Variants in DPP6 observed in about 807,000 individuals in gnomAD.
DPP6 encodes the protein A-type potassium channel modulatory protein DPP6.
In DPP6, 69 loss-of-function variants were observed where a neutral mutation model predicts 122.6. The ratio of observed to expected loss-of-function variants is 0.56; its 90% confidence interval spans 0.46 to 0.69. DPP6 has a LOEUF of 0.69. DPP6 is among the 30% of genes least tolerant of loss of function. The probability of loss-of-function intolerance (pLI) is 0.00; values close to 1 mark genes in which losing one functional copy is unlikely to be tolerated. For missense variants in DPP6, 928 were observed against 1,116.9 expected, an observed-to-expected ratio of 0.83 and a Z score of 2.41; for synonymous variants, 418 against 433.1, an observed-to-expected ratio of 0.97 and a Z score of 0.43.
intron 1 of DPP6, among the ~76,000 whole-genome samples, chr7:154,098,525 G>C (rs1264681136): frequency 1.1e-4 from 16 of 152,056 alleles, no homozygotes; most frequent in Admixed American, 1.0e-3. Context: ...GGGCCTCCAA[G>C]AAGGAAACAA....
chr7:154,369,847 C>G (rs1310476808), intron 1 of DPP6, among the ~76,000 whole-genome samples: 1 of 152,226 alleles, frequency 6.6e-6, no homozygotes, highest in East Asian at 1.9e-4. Context: ...ATTTTACAAA[C>G]CATAATTCCT....
intron 1 of DPP6, among the ~76,000 whole-genome samples, chr7:154,085,010 A>AAG (rs908943946): frequency 6.7e-6 from 1 of 149,532 alleles, no homozygotes; most frequent in African/African-American, 2.5e-5. Flanking sequence ...AAAAAAAAAA[A>AAG]ACAGGTGCCT....
chr7:154,054,459 T>A (rs1800649661), intron 1 of DPP6, among the ~76,000 whole-genome samples: 1 of 152,002 alleles, frequency 6.6e-6, no homozygotes, highest in Non-Finnish European at 1.5e-5. Context: ...ATCACAAAAC[T>A]TTGTGGGAGA....
At chr7:154,448,978 CAT>C (rs1444651137) in intron 2 of DPP6, among the ~76,000 whole-genome samples, 1 of 152,166 alleles carries the variant, frequency 6.6e-6, no homozygotes, top group Non-Finnish European at 1.5e-5. Context: ...TAGAAGAAAA[CAT>C]AGGGATAAAT....
intron 5 of DPP6, among the ~76,000 whole-genome samples, chr7:154,586,223 C>T (rs1230811297): frequency 6.6e-6 from 1 of 152,058 alleles, no homozygotes; most frequent in Non-Finnish European, 1.5e-5. Context: ...CACAGTGATT[C>T]ATGCCCATAA....
rs145477804 is a variant in DPP6 at position 154,269,836 on chromosome 7, A to G, written c.244-176378A>G. Among the ~76,000 whole-genome samples, 82 of 152,318 alleles carry G rather than the reference A, an allele frequency of 5.4e-4. No individual in the cohort carries two copies. In the East Asian group the frequency reaches 0.015, roughly 29 times the overall value. On this transcript the variant is annotated intron_variant, in intron 1 of 25. Transcript: ENST00000377770. ...TACAAATTTGGAAATCTACATTGTC[A>G]TTAAGGAAATGTGATGTATAAGAAA...
chr7:154,144,100 T>C (rs536128298), intron 1 of DPP6, among the ~76,000 whole-genome samples: 1 of 152,222 alleles, frequency 6.6e-6, no homozygotes, highest in South Asian at 2.1e-4. Flanking sequence ...GCCAACCTAA[T>C]AGATGGTAGA....
At chr7:154,368,638 C>G in intron 1 of DPP6, among the ~76,000 whole-genome samples, 1 of 152,206 alleles carries the variant, frequency 6.6e-6, no homozygotes, top group South Asian at 2.1e-4. Flanking sequence ...ATTTACAAAA[C>G]ATAGTAATTC....
At chr7:154,862,357 C>G (rs779348215) in intron 17 of DPP6, among the ~76,000 whole-genome samples, 1 of 152,268 alleles carries the variant, frequency 6.6e-6, no homozygotes, top group Non-Finnish European at 1.5e-5. Context: ...CTGAATCCCA[C>G]GTGTCTGCAC....
chr7:154,388,250 C>T (rs558948525), intron 1 of DPP6, among the ~76,000 whole-genome samples: 2 of 152,304 alleles, frequency 1.3e-5, no homozygotes, highest in East Asian at 1.9e-4. Context: ...TGTAATCACA[C>T]CACTCCAGCC....
At chr7:154,739,039 G>C (rs1466116441) in intron 8 of DPP6, among the ~76,000 whole-genome samples, 1 of 152,224 alleles carries the variant, frequency 6.6e-6, no homozygotes, top group Non-Finnish European at 1.5e-5. Flanking sequence ...TGCTGGGGCT[G>C]TCCTCTTAGG....
chr7:154,420,022 T>C (rs1040086371), intron 1 of DPP6, among the ~76,000 whole-genome samples: 1 of 152,144 alleles, frequency 6.6e-6, no homozygotes, highest in Non-Finnish European at 1.5e-5. Context: ...GTACATACAA[T>C]GGAATATTAT....
chr7:154,245,336 A>G (rs190777801), intron 1 of DPP6, among the ~76,000 whole-genome samples: 3 of 152,042 alleles, frequency 2.0e-5, no homozygotes, highest in Admixed American at 6.6e-5. Flanking sequence ...AACAGTAAGC[A>G]TAAAAAAGCT....
chr7:154,809,855 C>T (rs1798937051), intron 16 of DPP6, among the ~76,000 whole-genome samples: 1 of 152,098 alleles, frequency 6.6e-6, no homozygotes, highest in Non-Finnish European at 1.5e-5. Context: ...AATCCAGAAT[C>T]CAACAGCTTA....
intron 1 of DPP6, among the ~76,000 whole-genome samples, chr7:154,006,188 C>T (rs2533549): frequency 1.3e-5 from 2 of 152,316 alleles, no homozygotes; most frequent in South Asian, 4.1e-4. Flanking sequence ...GCCCTATAAT[C>T]ATCCGTGGCA....
intron 15 of DPP6, 78 bp from the exon 16 acceptor site, chr7:154,806,916 C>A: frequency 6.4e-7 from 1 of 1,565,056 alleles, no homozygotes. Flanking sequence ...ATGGGGAGAG[C>A]CCACCAGCTT....
chr7:154,026,943 A>G (rs2129053490), intron 1 of DPP6: 1 of 148,710 alleles, frequency 6.7e-6, no homozygotes, highest in African/African-American at 2.5e-5. Context: ...GTCCACATGA[A>G]TGGAAATGAA....
At chr7:154,636,965 G>C (rs988697375) in intron 5 of DPP6, among the ~76,000 whole-genome samples, 3 of 152,174 alleles carry the variant, frequency 2.0e-5, no homozygotes, top group Non-Finnish European at 2.9e-5. Flanking sequence ...TAAAGGAAAG[G>C]GTTGGGGGAA....
intron 1 of DPP6, among the ~76,000 whole-genome samples, chr7:154,122,123 T>C (rs1204694122): frequency 6.6e-6 from 1 of 152,214 alleles, no homozygotes; most frequent in African/African-American, 2.4e-5. Context: ...TGGACTCATT[T>C]CTCTCCAGAC....
Sources: allele counts gnomAD v4.1 joint callset (sites outside exome capture counted in the v4.1 genomes callset), GRCh38; gene constraint gnomAD v4.1.1; transcripts MANE v1.5; gene names NCBI Gene and HGNC (gene_info 2026-07-23, HGNC 2026-07-21).